Variants in CLSTN2 observed in about 807,000 individuals in gnomAD.
The protein encoded by CLSTN2 is calsyntenin-2.
Under a neutral mutation model 101.2 loss-of-function variants are expected in CLSTN2, and 48 were observed. The observed-to-expected ratio is 0.47, with a 90% CI of 0.38 to 0.60. The LOEUF (loss-of-function observed/expected upper bound fraction) is 0.60. Ranked by LOEUF, CLSTN2 falls within the 20% of genes least tolerant of loss-of-function variation. The pLI is 0.00. For missense variants in CLSTN2, 1,160 were observed against 1,238.2 expected (o/e 0.94, Z 0.95); for synonymous variants, 481 against 463.6 (o/e 1.04, Z -0.48).
Position 140,112,363 on chromosome 3 carries a change from GT to G in CLSTN2, c.110-63587del, listed in dbSNP as rs1443656808. 1.5e-4 allele frequency among the ~76,000 whole-genome samples: 19 copies of G among 128,982 alleles called. No homozygotes were observed. In the East Asian group the frequency reaches 4.2e-3, roughly 29 times the overall value. The allele number at this position is 128,982 out of a possible 152,430, so 84.6% of individuals were successfully genotyped here. ...GCAAATATTAAAAGTGTGTGTGTGT[GT>G]GTGTGTTTTTTACTACACTCCAAAT... On this transcript the variant is annotated intron_variant, in intron 1 of 16. Transcript: ENST00000458420.
chr3:140,274,245 G>T (rs2086773324), intron 2 of CLSTN2, among the ~76,000 whole-genome samples: 1 of 152,058 alleles, frequency 6.6e-6, no homozygotes, highest in Non-Finnish European at 1.5e-5. Flanking sequence ...TCCTAGATAA[G>T]AAAGTATGAC....
intron 2 of CLSTN2, among the ~76,000 whole-genome samples, chr3:140,384,721 TAA>T (rs1450814749): frequency 1.3e-5 from 2 of 152,212 alleles, no homozygotes; most frequent in Non-Finnish European, 2.9e-5. Context: ...GACAGAACAG[TAA>T]AAGAGTCCAT....
Position 140,051,126 on chromosome 3 carries a change from G to A in CLSTN2, c.109+115643G>A, listed in dbSNP as rs75479024. 4.7e-3 allele frequency among the ~76,000 whole-genome samples: 722 copies of A among 152,320 alleles called. 9 individuals are homozygous for A. The highest frequency in any genetic ancestry group is 0.016 in the African/African-American group (681 of 41,574). ...CTTGGGGCCTCCCTCAGCTCCAAGG[G>A]AACAGGAAACAGGGCTTCCAATGCC... On this transcript the variant is annotated intron_variant, in intron 1 of 16. Transcript: ENST00000458420.
chr3:140,268,841 C>G (rs753025674), intron 2 of CLSTN2, among the ~76,000 whole-genome samples: 56 of 152,158 alleles, frequency 3.7e-4, no homozygotes, highest in Admixed American at 7.9e-4. Context: ...CTCTCAGAGT[C>G]TCATTTCCTC....
At chr3:140,076,427 G>A (rs548031224) in intron 1 of CLSTN2, among the ~76,000 whole-genome samples, 8 of 152,004 alleles carry the variant, frequency 5.3e-5, no homozygotes, top group South Asian at 2.1e-4. Context: ...CATTTTAGTC[G>A]CCACAAGAAG....
Position 140,108,185 on chromosome 3 carries a change from T to C in CLSTN2, c.110-67766T>C, listed in dbSNP as rs4642080. ...TACAAATACAGGTAGAACCACCATA[T>C]CATCAAGTTCTGGAGCTGACACTGA... On this transcript the variant is annotated intron_variant, in intron 1 of 16. Transcript: ENST00000458420. Among the ~76,000 whole-genome samples the C allele has an allele frequency of 9.3e-4, 141 of 152,262 alleles. 1 individual carries two copies. The East Asian group carries it at 0.023, about 25-fold the overall frequency.
At chr3:140,498,767 C>T (rs1490620974) in intron 8 of CLSTN2, among the ~76,000 whole-genome samples, 1 of 152,182 alleles carries the variant, frequency 6.6e-6, no homozygotes, top group Non-Finnish European at 1.5e-5. Flanking sequence ...GTCACAACCA[C>T]TAGCTGTTGT....
intron 1 of CLSTN2, among the ~76,000 whole-genome samples, chr3:140,011,744 C>A (rs746663668): frequency 9.9e-5 from 15 of 152,020 alleles, no homozygotes; most frequent in Non-Finnish European, 1.9e-4. Context: ...GCTGCTGTGA[C>A]CTTGCATGAG....
chr3:140,135,145 T>C lies in CLSTN2; in HGVS notation c.110-40806T>C, dbSNP rs1448457384. ...ATATATATATATATATATATATATA[T>C]ATATATATATATATATAAAATATGC... is the stretch of plus-strand genomic sequence containing the variant. On this transcript the variant is annotated intron_variant, in intron 1 of 16. Coordinates refer to ENST00000458420, the MANE Select transcript of CLSTN2 (RefSeq NM_022131.3). 6.5e-4 allele frequency among the ~76,000 whole-genome samples: 88 copies of C among 135,728 alleles called. No homozygotes were observed. In the South Asian group the frequency reaches 9.1e-3, roughly 14 times the overall value. The allele number at this position is 135,728 out of a possible 152,430, so 89.0% of individuals were successfully genotyped here. A position where few individuals can be genotyped will look rare whatever the true frequency, so the allele number is the denominator to read the frequency against.
At chr3:140,334,860 G>T (rs1030098735) in intron 2 of CLSTN2, among the ~76,000 whole-genome samples, 5 of 152,168 alleles carry the variant, frequency 3.3e-5, no homozygotes, top group African/African-American at 1.2e-4. Flanking sequence ...CCAGCAATCT[G>T]GGAAGCTGAC....
intron 2 of CLSTN2, among the ~76,000 whole-genome samples, chr3:140,341,441 A>G (rs943117666): frequency 1.3e-5 from 2 of 152,198 alleles, no homozygotes; most frequent in Non-Finnish European, 2.9e-5. Context: ...ATGGTGTCAG[A>G]ATGAGCAGGC....
rs1985567766 is a variant in CLSTN2 at position 140,571,991 on chromosome 3, G to A, written c.*5738G>A. On this transcript the variant is annotated 3_prime_UTR_variant, in exon 17 of 17. Coordinates refer to ENST00000458420, the MANE Select transcript of CLSTN2 (RefSeq NM_022131.3). The stretch of plus-strand genomic sequence containing the variant: ...CAGACCTTCACTGGGCACTTGTGAT[G>A]GGTCAGGCCCTGTGCCAGCAACAGG... 1 of 152,298 alleles carries A rather than the reference G, an allele frequency of 6.6e-6. No individual in the cohort carries two copies. Among genetic ancestry groups the A allele is most frequent in the Non-Finnish European group, 1.5e-5 (1 of 68,094 alleles). 9.4% of individuals were successfully genotyped at this position (152,298 alleles called of 1,614,324 possible).
intron 2 of CLSTN2, among the ~76,000 whole-genome samples, chr3:140,366,798 T>C (rs1013376483): frequency 5.3e-5 from 8 of 152,230 alleles, no homozygotes; most frequent in African/African-American, 1.9e-4. Context: ...ACCTTTCTTA[T>C]ATATTTGGAT....
intron 2 of CLSTN2, among the ~76,000 whole-genome samples, chr3:140,249,517 G>A (rs187862414): frequency 1.2e-4 from 18 of 152,280 alleles, no homozygotes; most frequent in Admixed American, 2.6e-4. Flanking sequence ...TAAGCTAGGG[G>A]CATAGCAGCG....
intron 1 of CLSTN2, among the ~76,000 whole-genome samples, chr3:140,129,888 C>A (rs922125109): frequency 6.6e-6 from 1 of 152,160 alleles, no homozygotes; most frequent in Non-Finnish European, 1.5e-5. Flanking sequence ...TGTCGGAAGA[C>A]CACTCTCCAA....
chr3:140,304,476 G>T (rs1455454888), intron 2 of CLSTN2, among the ~76,000 whole-genome samples: 3 of 152,188 alleles, frequency 2.0e-5, no homozygotes, highest in African/African-American at 7.2e-5. Context: ...CATAACGGCA[G>T]AGAGCAAGCT....
chr3:139,955,755 A>G (rs1050554121), intron 1 of CLSTN2, among the ~76,000 whole-genome samples: 11 of 152,152 alleles, frequency 7.2e-5, no homozygotes, highest in African/African-American at 2.7e-4. Context: ...CCTGACCTTG[A>G]CATTAGCTAC....
At chr3:139,973,389 AG>A (rs1461096216) in intron 1 of CLSTN2, among the ~76,000 whole-genome samples, 1 of 152,234 alleles carries the variant, frequency 6.6e-6, no homozygotes, top group African/African-American at 2.4e-5. Context: ...ATAGAAACCC[AG>A]CTAAAAATTG....
intron 2 of CLSTN2, among the ~76,000 whole-genome samples, chr3:140,336,848 G>A (rs2087446460): frequency 6.6e-6 from 1 of 152,194 alleles, no homozygotes; most frequent in African/African-American, 2.4e-5. Context: ...TGGACAATGG[G>A]CTAACGGGGC....
Sources: allele counts gnomAD v4.1 joint callset (sites outside exome capture counted in the v4.1 genomes callset), GRCh38; gene constraint gnomAD v4.1.1; transcripts MANE v1.5; gene names NCBI Gene and HGNC (gene_info 2026-07-23, HGNC 2026-07-21).